MORC1: variants seen among roughly 807,000 people sequenced by gnomAD.
MORC1 encodes the protein MORC family CW-type zinc finger protein 1.
In MORC1, 59 loss-of-function variants were observed where a neutral mutation model predicts 134.9. The ratio of observed to expected loss-of-function variants is 0.44; its 90% CI spans 0.35 to 0.54. MORC1 has a LOEUF of 0.54. Ranked by LOEUF, MORC1 falls within the 20% of genes least tolerant of loss-of-function variation. The pLI is 0.00. For missense variants in MORC1, 947 were observed against 1,134.5 expected (o/e 0.83, Z 2.37); for synonymous variants, 395 against 391.7 (o/e 1.01, Z -0.10).
chr3:109,059,822 G>T lies in MORC1; in HGVS notation c.1015C>A (p.Leu339Ile). 2 of 1,612,202 alleles carry T rather than the reference G, an allele frequency of 1.2e-6. No homozygotes were observed. Among genetic ancestry groups the T allele is most frequent in the East Asian group, 2.2e-5 (1 of 44,684 alleles). ...GTGTCTTACCTTTGTTTCTCTTTAAGATTCTTTTGCTTTGCTTCTACATCT... is the reference window on the plus strand; with the variant it reads ...GTGTCTTACCTTTGTTTCTCTTTAATATTCTTTTGCTTTGCTTCTACATCT... ...LEDVEAKQKN[L>I]KEKQRELKTA... Residue 339 changes from leucine to isoleucine, a missense_variant, in exon 12 of 28, where the codon CTT becomes ATT. Coordinates refer to ENST00000232603, the MANE Select transcript of MORC1 (RefSeq NM_014429.4).
At chr3:109,040,375 A>AAAGAAAGAAAGG in intron 14 of MORC1, among the ~76,000 whole-genome samples, 1 of 102,084 alleles carries the variant, frequency 9.8e-6, no homozygotes, top group Non-Finnish European at 2.1e-5. Context: ...AGAAAGAAAG[A>AAAGAAAGAAAGG]AAGAAAGAAA....
At chr3:109,092,433 A>C (rs1476223780) in intron 8 of MORC1, among the ~76,000 whole-genome samples, 1 of 152,178 alleles carries the variant, frequency 6.6e-6, no homozygotes, top group Admixed American at 6.5e-5. Context: ...GTAACCTGAC[A>C]TGTCTACTTG....
At chr3:109,083,501 T>G (rs1474823544) in intron 8 of MORC1, among the ~76,000 whole-genome samples, 1 of 152,146 alleles carries the variant, frequency 6.6e-6, no homozygotes, top group Non-Finnish European at 1.5e-5. Flanking sequence ...CTGGGCGCAG[T>G]GGCTCACGCC....
intron 8 of MORC1, among the ~76,000 whole-genome samples, chr3:109,085,677 A>G (rs1455907357): frequency 6.6e-6 from 1 of 152,136 alleles, no homozygotes; most frequent in Non-Finnish European, 1.5e-5. Flanking sequence ...AAATTAGTAC[A>G]GCCATTTTGG....
At chr3:109,095,614 T>G (rs928492485) in intron 6 of MORC1, among the ~76,000 whole-genome samples, 3 of 152,186 alleles carry the variant, frequency 2.0e-5, no homozygotes, top group Non-Finnish European at 4.4e-5. Context: ...ATTTCTAGAC[T>G]GGAAGACATA....
intron 8 of MORC1, among the ~76,000 whole-genome samples, chr3:109,080,619 C>T (rs1950504198): frequency 6.6e-6 from 1 of 152,074 alleles, no homozygotes; most frequent in Non-Finnish European, 1.5e-5. Flanking sequence ...TATAAGTGTG[C>T]CAGTTCTCTC....
At chr3:109,010,324 CTGTT>C (rs367744212) in intron 17 of MORC1, among the ~76,000 whole-genome samples, 8 of 152,140 alleles carry the variant, frequency 5.3e-5, no homozygotes, top group African/African-American at 1.7e-4. Flanking sequence ...TTCATTTCTT[CTGTT>C]TAAGTTCTGC....
intron 3 of MORC1, among the ~76,000 whole-genome samples, chr3:109,106,293 A>C (rs893481833): frequency 2.0e-5 from 3 of 152,242 alleles, no homozygotes; most frequent in Non-Finnish European, 4.4e-5. Context: ...AGGAGCTTGC[A>C]GAAAGAAGGG....
chr3:109,006,064 A>G (rs1415149036), intron 18 of MORC1, among the ~76,000 whole-genome samples: 4 of 152,364 alleles, frequency 2.6e-5, no homozygotes, highest in South Asian at 2.1e-4. Context: ...ACTTACGATG[A>G]CATGTTACAA....
chr3:109,111,783 A>C (rs941837710), intron 2 of MORC1, among the ~76,000 whole-genome samples: 4 of 152,214 alleles, frequency 2.6e-5, no homozygotes, highest in Admixed American at 6.5e-5. Flanking sequence ...CATCAGTTCT[A>C]AACCCAAAAC....
intron 8 of MORC1, among the ~76,000 whole-genome samples, chr3:109,072,944 C>T (rs1162450317): frequency 1.8e-5 from 1 of 54,234 alleles, no homozygotes; most frequent in Non-Finnish European, 4.5e-5. Context: ...AACACACACA[C>T]ACACACACAC....
At position 109,111,322 on chromosome 3, in the gene MORC1, C is replaced by T. The variant is rs181940575; in HGVS notation, c.120-539G>A. On this transcript the variant is annotated intron_variant, in intron 2 of 27. Transcript: ENST00000232603. ...AAAGTGTTATTGGAACACAATCATG[C>T]CCATTCATTACATAGTATCTAAGGT... Among the ~76,000 whole-genome samples the T allele has an allele frequency of 1.2e-4, 19 of 152,176 alleles. No homozygotes were observed. In the East Asian group the frequency reaches 3.5e-3, roughly 28 times the overall value.
chr3:109,073,575 A>T (rs1442634843), intron 8 of MORC1, among the ~76,000 whole-genome samples: 1 of 151,964 alleles, frequency 6.6e-6, no homozygotes, highest in Non-Finnish European at 1.5e-5. Flanking sequence ...CAGACAACAG[A>T]CCCCCATCTA....
intron 6 of MORC1, among the ~76,000 whole-genome samples, chr3:109,096,459 T>C (rs561152318): frequency 6.6e-6 from 1 of 152,206 alleles, no homozygotes; most frequent in East Asian, 1.9e-4. Flanking sequence ...ATATGCTAAT[T>C]ATAATGTATC....
intron 8 of MORC1, among the ~76,000 whole-genome samples, chr3:109,078,540 G>C (rs972384556): frequency 1.3e-5 from 2 of 151,770 alleles, no homozygotes; most frequent in Non-Finnish European, 2.9e-5. Context: ...GTAGAATACA[G>C]CTATTATATA....
chr3:109,075,870 T>A (rs1268481447), intron 8 of MORC1, among the ~76,000 whole-genome samples: 7 of 152,134 alleles, frequency 4.6e-5, no homozygotes, highest in African/African-American at 7.2e-5. Flanking sequence ...TAGCATTGAA[T>A]CTATAAATTA....
rs1946992553 is a variant in MORC1, at chr3:108,958,444, A to T, written c.*521T>A. On this transcript the variant is annotated 3_prime_UTR_variant, in exon 28 of 28. Coordinates refer to ENST00000232603, the MANE Select transcript of MORC1 (RefSeq NM_014429.4). ...TCTTTTACTATGACTAAATAATAAA[A>T]TTATATAAGCTATGTCTCAAAGTTT... The T allele has an allele frequency of 6.6e-6, 1 of 152,108 alleles. No homozygotes were observed. Among genetic ancestry groups the T allele is most frequent in the Non-Finnish European group, 1.5e-5 (1 of 67,982 alleles). 9.4% of individuals were successfully genotyped at this position (152,108 alleles called of 1,614,324 possible).
chr3:109,101,009 G>A (rs914031013), intron 4 of MORC1, among the ~76,000 whole-genome samples: 1 of 152,112 alleles, frequency 6.6e-6, no homozygotes, highest in Non-Finnish European at 1.5e-5. Flanking sequence ...AGAAACAACT[G>A]TATACTGAAA....
chr3:109,015,781 C>T (rs900625237), intron 17 of MORC1, among the ~76,000 whole-genome samples: 3 of 124,970 alleles, frequency 2.4e-5, no homozygotes, highest in African/African-American at 6.6e-5. Context: ...TGCTCTGCCA[C>T]GCATAATCCT....
Sources: allele counts gnomAD v4.1 joint callset (sites outside exome capture counted in the v4.1 genomes callset), GRCh38; gene constraint gnomAD v4.1.1; transcripts MANE v1.5; gene names NCBI Gene and HGNC (gene_info 2026-07-23, HGNC 2026-07-21).